The following LAMA2 variants were observed in gnomAD, a reference collection of about 807,000 sequenced individuals.
LAMA2 encodes the protein laminin subunit alpha-2.
A neutral mutation model predicts 364.8 loss-of-function variants in LAMA2; 269 were observed. The observed-to-expected ratio is 0.74, with a 90% CI of 0.67 to 0.82. The LOEUF (loss-of-function observed/expected upper bound fraction) is 0.82, where lower values mean the gene tolerates loss of function less well. Among genes scored for constraint, LAMA2 ranks in the 40% least tolerant of loss-of-function variants. The pLI is 0.00. For missense variants in LAMA2, 3,807 were observed against 3,873.2 expected (o/e 0.98, Z 0.45); for synonymous variants, 1,379 against 1,370.6 (o/e 1.01, Z -0.14).
intron 4 of LAMA2, among the ~76,000 whole-genome samples, chr6:129,117,014 G>T (rs919809340): frequency 3.9e-5 from 6 of 151,972 alleles, no homozygotes; most frequent in Admixed American, 1.3e-4. Context: ...TAAAATAAAA[G>T]AAAAATGCAT....
intron 7 of LAMA2, 29 bp from the exon 8 acceptor site, chr6:129,154,476 G>A (rs1778988795): frequency 1.3e-6 from 2 of 1,559,560 alleles, no homozygotes; most frequent in African/African-American, 1.4e-5. Context: ...TCAAATTGAT[G>A]TTTATTAATT....
At chr6:128,933,236 G>C (rs988716330) in intron 1 of LAMA2, among the ~76,000 whole-genome samples, 13 of 138,218 alleles carry the variant, frequency 9.4e-5, no homozygotes, top group African/African-American at 4.1e-4. Context: ...CTTTCTGTGT[G>C]TGTGTGTGTG....
chr6:129,018,722 G>T (rs1785234281), intron 1 of LAMA2, among the ~76,000 whole-genome samples: 1 of 151,872 alleles, frequency 6.6e-6, no homozygotes, highest in African/African-American at 2.4e-5. Flanking sequence ...TAGAAATCAT[G>T]ACTTAGCTAC....
At chr6:129,424,126 A>G (rs1781210085) in intron 40 of LAMA2, among the ~76,000 whole-genome samples, 1 of 152,086 alleles carries the variant, frequency 6.6e-6, no homozygotes, top group South Asian at 2.1e-4. Context: ...AATACAAGGT[A>G]TATTTAACAA....
intron 1 of LAMA2, among the ~76,000 whole-genome samples, chr6:129,042,919 T>C (rs1438481189): frequency 6.6e-6 from 1 of 152,186 alleles, no homozygotes; most frequent in East Asian, 1.9e-4. Flanking sequence ...CCCCCATTCA[T>C]GGAAACCTAA....
chr6:129,327,302 A>C (rs1775358982), intron 28 of LAMA2, among the ~76,000 whole-genome samples: 1 of 152,170 alleles, frequency 6.6e-6, no homozygotes, highest in Non-Finnish European at 1.5e-5. Flanking sequence ...CTAGGCCAGA[A>C]CCAAAGGGAT....
intron 1 of LAMA2, among the ~76,000 whole-genome samples, chr6:128,933,029 C>T (rs764465084): frequency 3.0e-4 from 45 of 152,204 alleles, no homozygotes; most frequent in Non-Finnish European, 5.6e-4. Flanking sequence ...ATTCATTCCA[C>T]CATTCTACTC....
chr6:128,929,104 C>A, intron 1 of LAMA2: 1 of 1,451,876 alleles, frequency 6.9e-7, no homozygotes, highest in Non-Finnish European at 9.7e-7. Context: ...ACCGCAGCAG[C>A]GTTTTCCCGT....
chr6:129,284,201 C>T (rs1272365659), intron 18 of LAMA2, among the ~76,000 whole-genome samples: 3 of 151,328 alleles, frequency 2.0e-5, no homozygotes, highest in Non-Finnish European at 4.4e-5. Flanking sequence ...ACAGCCACGC[C>T]TCTTTATACA....
chr6:128,952,944 G>A (rs1434045366), intron 1 of LAMA2, among the ~76,000 whole-genome samples: 3 of 152,066 alleles, frequency 2.0e-5, no homozygotes, highest in Non-Finnish European at 2.9e-5. Context: ...ATTTTCACTA[G>A]GGTTTTCTCT....
chr6:128,989,906 T>C (rs1320527667), intron 1 of LAMA2, among the ~76,000 whole-genome samples: 1 of 152,134 alleles, frequency 6.6e-6, no homozygotes, highest in South Asian at 2.1e-4. Context: ...TTCTGTAGCC[T>C]CGCATGATGA....
chr6:129,102,153 G>A (rs754122405), intron 4 of LAMA2, among the ~76,000 whole-genome samples: 1 of 130,800 alleles, frequency 7.6e-6, no homozygotes, highest in Non-Finnish European at 1.6e-5. Flanking sequence ...TTTTGAGACC[G>A]AGTCTCGCTC....
intron 37 of LAMA2, among the ~76,000 whole-genome samples, chr6:129,395,650 G>A (rs752297189): frequency 6.6e-6 from 1 of 152,142 alleles, no homozygotes; most frequent in Non-Finnish European, 1.5e-5. Context: ...TTAGTGGGAG[G>A]TACACATAAG....
chr6:129,317,465 A>G (rs1774683985), intron 27 of LAMA2, among the ~76,000 whole-genome samples: 2 of 152,198 alleles, frequency 1.3e-5, no homozygotes, highest in South Asian at 4.1e-4. Context: ...AAGATCCATA[A>G]TGCTTTTCTG....
At chr6:129,220,119 A>T (rs1783724384) in intron 12 of LAMA2, among the ~76,000 whole-genome samples, 1 of 152,124 alleles carries the variant, frequency 6.6e-6, no homozygotes, top group Admixed American at 6.5e-5. Flanking sequence ...TATAGTGGTG[A>T]TTTCACTTGT....
chr6:129,372,061 G>C (rs1778118283), intron 34 of LAMA2, among the ~76,000 whole-genome samples: 1 of 152,100 alleles, frequency 6.6e-6, no homozygotes. Flanking sequence ...GTAAAGTTCA[G>C]AGTGTTCTCA....
intron 58 of LAMA2, among the ~76,000 whole-genome samples, chr6:129,496,004 T>A (rs1464279732): frequency 6.6e-6 from 1 of 152,156 alleles, no homozygotes; most frequent in Non-Finnish European, 1.5e-5. Context: ...ACATTAGAGC[T>A]AGAAGACACC....
intron 1 of LAMA2, among the ~76,000 whole-genome samples, chr6:128,947,855 A>G (rs972687042): frequency 2.0e-5 from 3 of 152,240 alleles, no homozygotes; most frequent in African/African-American, 7.2e-5. Context: ...ATGAGCAGAA[A>G]TTGCAAAGAG....
chr6:128,973,031 ATAGAT>A (rs1406123841), intron 1 of LAMA2, among the ~76,000 whole-genome samples: 1 of 152,164 alleles, frequency 6.6e-6, no homozygotes, highest in Non-Finnish European at 1.5e-5. Flanking sequence ...AAAATAAATT[ATAGAT>A]TAGACAACGT....
Sources: allele counts gnomAD v4.1 joint callset (sites outside exome capture counted in the v4.1 genomes callset), GRCh38; gene constraint gnomAD v4.1.1; transcripts MANE v1.5; gene names NCBI Gene and HGNC (gene_info 2026-07-23, HGNC 2026-07-21).